Variants in PACSIN1 observed in about 807,000 individuals in gnomAD.
PACSIN1 encodes the protein protein kinase C and casein kinase substrate in neurons protein 1.
PACSIN1 carries 15 observed loss-of-function variants against 59.5 expected under a neutral mutation model. That is an observed-to-expected ratio of 0.25 (90% confidence interval 0.17 to 0.39). PACSIN1 has a LOEUF of 0.39. Ranked by LOEUF, PACSIN1 falls within the 10% of genes least tolerant of loss-of-function variation. The probability of loss-of-function intolerance (pLI) is 1.00; values close to 1 mark genes in which losing one functional copy is unlikely to be tolerated. For missense variants in PACSIN1, 420 were observed against 580.2 expected (o/e 0.72, Z 2.84); for synonymous variants, 210 against 220.6 (o/e 0.95, Z 0.42).
chr6:34,469,485 G>A (rs1383392929), intron 1 of PACSIN1, among the ~76,000 whole-genome samples: 3 of 152,144 alleles, frequency 2.0e-5, no homozygotes, highest in South Asian at 2.1e-4. Flanking sequence ...GAGGGGTCCC[G>A]GAGCTTCACT....
In PACSIN1 at chr6:34,528,633, T is replaced by A; in HGVS notation, c.221-9T>A. On this transcript the variant is annotated splice_polypyrimidine_tract_variant and intron_variant, in intron 3 of 9. Coordinates refer to ENST00000244458, the MANE Select transcript of PACSIN1 (RefSeq NM_020804.5). ...ATGAGGTTCTTGTGACCTATTGCCA[T>A]TCCCTCAGGCCCACAGTATGGCAGC... 6.2e-7 allele frequency: 1 copy of A among 1,610,552 alleles called. No individual in the cohort carries two copies. Among genetic ancestry groups the A allele is most frequent in the Non-Finnish European group, 8.5e-7 (1 of 1,177,124 alleles).
Position 34,515,972 on chromosome 6 carries a change from C to T in PACSIN1, c.-63-10271C>T, listed in dbSNP as rs76458888. ...CAGGGAGGGGGCTGGAGGGGGCCCA[C>T]AGGAGTTCACGGTGGGGCACACCTG... On this transcript the variant is annotated intron_variant, in intron 1 of 9. Transcript: ENST00000244458. The surrounding 1 kb of genome is among the most constrained non-coding windows in gnomAD (Gnocchi z 4.4). 0.058 allele frequency among the ~76,000 whole-genome samples: 8,866 copies of T among 152,098 alleles called. 364 individuals are homozygous for T. The highest frequency in any genetic ancestry group is 0.079 in the Non-Finnish European group (5,356 of 67,938).
At position 34,521,049 on chromosome 6, in the gene PACSIN1, A is replaced by T. The variant is rs914137893; in HGVS notation, c.-63-5194A>T. 3.9e-5 allele frequency among the ~76,000 whole-genome samples: 6 copies of T among 152,248 alleles called. No homozygotes were observed. Among genetic ancestry groups the T allele is most frequent in the South Asian group, 2.1e-4 (1 of 4,836 alleles). ...TCATTCATTCATTCAACAAAAGTGC[A>T]CTGCGCACTTACTATGTTGCCGGCA... On this transcript the variant is annotated intron_variant, in intron 1 of 9. Coordinates refer to ENST00000244458, the MANE Select transcript of PACSIN1 (RefSeq NM_020804.5). This position sits in a 1 kb window ranked among gnomAD's most constrained non-coding sequence, Gnocchi z 4.3.
intron 1 of PACSIN1, among the ~76,000 whole-genome samples, chr6:34,468,894 G>GCAGT (rs111511519): frequency 6.6e-6 from 1 of 151,976 alleles, no homozygotes; most frequent in African/African-American, 2.4e-5. Context: ...TCTGGCTTGT[G>GCAGT]GAGTGAGTGA....
At position 34,526,351 on chromosome 6, in the gene PACSIN1, A is replaced by T. The variant is rs1278699323; in HGVS notation, c.46A>T (p.Thr16Ser). The T allele has an allele frequency of 6.2e-7, 1 of 1,612,336 alleles. No individual in the cohort carries two copies. The highest frequency in any genetic ancestry group is 1.1e-5 in the South Asian group (1 of 91,054). Reference sequence around the variant, plus strand: ...GGCCTCACTGGCGCCAGAGGAGACCACCGACAGCTTCTGGGAGGTGAGGCT... The same window carrying T: ...GGCCTCACTGGCGCCAGAGGAGACCTCCGACAGCTTCTGGGAGGTGAGGCT... ...DEASLAPEET[T>S]DSFWEVGNYK... The change falls in exon 2 of 10, where the codon ACC becomes TCC. Residue 16 changes from threonine (T) to serine (S), a missense_variant. Coordinates refer to ENST00000244458, the MANE Select transcript of PACSIN1 (RefSeq NM_020804.5).
chr6:34,500,934 CA>C (rs1304560281), intron 1 of PACSIN1, among the ~76,000 whole-genome samples: 1 of 152,242 alleles, frequency 6.6e-6, no homozygotes, highest in African/African-American at 2.4e-5. Context: ...CTGCTAGCTT[CA>C]ACCTTTTCTT....
At chr6:34,502,198 G>A (rs1767035463) in intron 1 of PACSIN1, among the ~76,000 whole-genome samples, 1 of 152,036 alleles carries the variant, frequency 6.6e-6, no homozygotes, top group Admixed American at 6.6e-5. Flanking sequence ...ATATGACTTG[G>A]TCTTGCCAGT....
intron 1 of PACSIN1, among the ~76,000 whole-genome samples, chr6:34,478,440 T>C (rs2127242839): frequency 7.0e-6 from 1 of 143,172 alleles, no homozygotes; most frequent in East Asian, 2.2e-4. Flanking sequence ...TGGCACGATC[T>C]CGGCTCACTT....
intron 1 of PACSIN1, among the ~76,000 whole-genome samples, chr6:34,477,722 G>A (rs777596181): frequency 6.6e-6 from 1 of 152,170 alleles, no homozygotes; most frequent in Non-Finnish European, 1.5e-5. Flanking sequence ...GGAGGATAAA[G>A]GCTCCATTCC....
chr6:34,491,615 CTTTTTT>C (rs571524378), intron 1 of PACSIN1, among the ~76,000 whole-genome samples: 2 of 144,130 alleles, frequency 1.4e-5, no homozygotes, highest in Non-Finnish European at 3.1e-5. Context: ...ATTTTCTTTT[CTTTTTT>C]TTTTTTTGAG....
At chr6:34,478,091 G>T (rs552021486) in intron 1 of PACSIN1, among the ~76,000 whole-genome samples, 23 of 130,556 alleles carry the variant, frequency 1.8e-4, no homozygotes, top group East Asian at 1.3e-3. Flanking sequence ...ACAAAGTCTC[G>T]CTCTGACGCC....
chr6:34,514,621 C>T lies in PACSIN1; in HGVS notation c.-63-11622C>T, dbSNP rs993896535. 5.9e-5 allele frequency among the ~76,000 whole-genome samples: 9 copies of T among 151,720 alleles called. No homozygotes were observed. Among genetic ancestry groups the T allele is most frequent in the Non-Finnish European group, 1.0e-4 (7 of 67,934 alleles). ...AGGGGATGGAGCAGGGCTTCCCAGT[C>T]GAGGGCGGCGGCCGAGCCTGTGTCC... On this transcript the variant is annotated intron_variant, in intron 1 of 9. Transcript: ENST00000244458. The surrounding 1 kb of genome is among the most constrained non-coding windows in gnomAD (Gnocchi z 4.4).
intron 1 of PACSIN1, among the ~76,000 whole-genome samples, chr6:34,509,658 G>A (rs1381613237): frequency 6.6e-6 from 1 of 151,780 alleles, no homozygotes; most frequent in East Asian, 1.9e-4. Context: ...TGAGTAGTAT[G>A]GATATTTTAA....
intron 1 of PACSIN1, among the ~76,000 whole-genome samples, chr6:34,507,447 T>C (rs73407704): frequency 6.6e-6 from 1 of 152,166 alleles, no homozygotes; most frequent in Non-Finnish European, 1.5e-5. Flanking sequence ...GAAGTCCAGA[T>C]TGATCTATTC....
chr6:34,519,856 C>T (rs1267135658), intron 1 of PACSIN1, among the ~76,000 whole-genome samples: 1 of 152,138 alleles, frequency 6.6e-6, no homozygotes, highest in Non-Finnish European at 1.5e-5. Flanking sequence ...TTCTGTCTGG[C>T]CTCTTGGTGC....
chr6:34,502,216 T>G (rs1581970688), intron 1 of PACSIN1, among the ~76,000 whole-genome samples: 1 of 152,050 alleles, frequency 6.6e-6, no homozygotes, highest in South Asian at 2.1e-4. Flanking sequence ...AGTAAGACAT[T>G]GGCAAGCATG....
In PACSIN1 at chr6:34,531,845, G is replaced by T. The variant is rs953350897; in HGVS notation, c.1225+58G>T. The T allele has an allele frequency of 2.5e-5, 37 of 1,476,362 alleles. No individual in the cohort carries two copies. The highest frequency in any genetic ancestry group is 4.0e-5 in the South Asian group (3 of 75,750). The allele number at this position is 1,476,362 out of a possible 1,614,324, so 91.5% of individuals were successfully genotyped here. ...AGGCTTGGGCCTGGATTGGGTGTGT[G>T]GTGGTGCAGGGGCGGTGCCTGAGAG... On this transcript the variant is annotated intron_variant, in intron 9 of 9. Coordinates refer to ENST00000244458, the MANE Select transcript of PACSIN1 (RefSeq NM_020804.5). The surrounding 1 kb of genome is among the most constrained non-coding windows in gnomAD (Gnocchi z 4.4).
intron 1 of PACSIN1, among the ~76,000 whole-genome samples, chr6:34,512,301 G>A (rs180768659): frequency 6.7e-6 from 1 of 148,256 alleles, no homozygotes; most frequent in Non-Finnish European, 1.5e-5. Flanking sequence ...GAGTGTGGGA[G>A]GACAGGACGT....
At chr6:34,473,893 A>G (rs1257055679) in intron 1 of PACSIN1, among the ~76,000 whole-genome samples, 1 of 152,230 alleles carries the variant, frequency 6.6e-6, no homozygotes, top group South Asian at 2.1e-4. Context: ...CAATACCATT[A>G]TTATACCTAA....
Sources: gnomAD v4.1 joint callset for allele counts (sites outside exome capture counted in the v4.1 genomes callset) on GRCh38, gnomAD v4.1.1 for gene constraint, Gnocchi (gnomAD v3.1) non-coding constraint, MANE v1.5 for transcripts, NCBI Gene and HGNC (gene_info 2026-07-23, HGNC 2026-07-21) for gene names.